Variants in CACNA2D3 observed in about 807,000 individuals in gnomAD.
CACNA2D3 encodes the protein voltage-dependent calcium channel subunit alpha-2/delta-3.
CACNA2D3 carries 60 observed loss-of-function variants against 160.6 expected under a neutral mutation model. That is an observed-to-expected ratio of 0.37 (90% CI 0.30 to 0.46). The LOEUF (loss-of-function observed/expected upper bound fraction) is 0.46, where lower values mean the gene tolerates loss of function less well. Among genes scored for constraint, CACNA2D3 ranks in the 20% least tolerant of loss-of-function variants. The probability of loss-of-function intolerance (pLI) is 1.00; values close to 1 mark genes in which losing one functional copy is unlikely to be tolerated. For missense variants in CACNA2D3, 1,205 were observed against 1,365.0 expected, an observed-to-expected ratio of 0.88 and a Z score of 1.85; for synonymous variants, 558 against 492.9, an observed-to-expected ratio of 1.13 and a Z score of -1.75.
chr3:54,942,458 G>A (rs1701496805), intron 27 of CACNA2D3, among the ~76,000 whole-genome samples: 2 of 152,206 alleles, frequency 1.3e-5, no homozygotes, highest in African/African-American at 4.8e-5. Flanking sequence ...CCTGAATCTT[G>A]AGGCTGGGAC....
At chr3:54,622,781 A>G (rs544233259) in intron 9 of CACNA2D3, among the ~76,000 whole-genome samples, 49 of 152,216 alleles carry the variant, frequency 3.2e-4, no homozygotes, top group Admixed American at 2.6e-3. Flanking sequence ...TCCAGACACT[A>G]CCCTTGGGGT....
intron 11 of CACNA2D3, among the ~76,000 whole-genome samples, chr3:54,704,816 C>T (rs1215557658): frequency 6.6e-6 from 1 of 152,080 alleles, no homozygotes; most frequent in Non-Finnish European, 1.5e-5. Flanking sequence ...GTGTGCATTG[C>T]AGTTTTCCAC....
intron 11 of CACNA2D3, among the ~76,000 whole-genome samples, chr3:54,679,405 A>G (rs1446115357): frequency 1.3e-5 from 2 of 152,196 alleles, no homozygotes; most frequent in African/African-American, 2.4e-5. Context: ...GGGAATAGGA[A>G]GAAGTTCAGG....
intron 14 of CACNA2D3, among the ~76,000 whole-genome samples, chr3:54,821,672 CTTTCTTTCTTTCTTTCTTTCT>C (rs1703600268): frequency 8.3e-6 from 1 of 120,302 alleles, no homozygotes; most frequent in South Asian, 2.9e-4. Flanking sequence ...TTCTTTCTTT[CTTTCTTTCTTTCTTTCTTTCT>C]TTCTTTCCTT....
chr3:54,359,848 G>A lies in CACNA2D3; in HGVS notation c.322-26867G>A, dbSNP rs1283148104. Among the ~76,000 whole-genome samples, 5 of 152,170 alleles carry A rather than the reference G, an allele frequency of 3.3e-5. 1 individual carries two copies. Among genetic ancestry groups the A allele is most frequent in the Admixed American group, 2.6e-4 (4 of 15,280 alleles). ...TGGACTAGTGAATTTCCCTGAAGTA[G>A]CTTTTGGGGCACTTCTCCACTTCAT... On this transcript the variant is annotated intron_variant, in intron 3 of 37. Transcript: ENST00000474759.
At chr3:54,588,988 A>T (rs1702811817) in intron 9 of CACNA2D3, among the ~76,000 whole-genome samples, 1 of 152,000 alleles carries the variant, frequency 6.6e-6, no homozygotes, top group African/African-American at 2.4e-5. Context: ...GTTTGATACA[A>T]TTCCTATAGA....
intron 10 of CACNA2D3, among the ~76,000 whole-genome samples, chr3:54,636,014 T>C (rs1026295822): frequency 5.3e-5 from 8 of 151,768 alleles, no homozygotes; most frequent in African/African-American, 1.9e-4. Context: ...CAGTCCTGGG[T>C]GGGGGCAAAT....
At chr3:54,530,282 G>A (rs545544119) in intron 5 of CACNA2D3, among the ~76,000 whole-genome samples, 35 of 152,242 alleles carry the variant, frequency 2.3e-4, no homozygotes, top group African/African-American at 7.2e-4. Flanking sequence ...TGCGCTGCTG[G>A]TGGAGCTCTC....
At chr3:54,244,494 G>C (rs1702033651) in intron 2 of CACNA2D3, among the ~76,000 whole-genome samples, 1 of 152,204 alleles carries the variant, frequency 6.6e-6, no homozygotes, top group African/African-American at 2.4e-5. Context: ...ACTGGCTGAG[G>C]AGTTCCCTGT....
At chr3:54,187,941 G>A (rs983056601) in intron 2 of CACNA2D3, among the ~76,000 whole-genome samples, 7 of 152,210 alleles carry the variant, frequency 4.6e-5, no homozygotes, top group African/African-American at 1.7e-4. Flanking sequence ...TCCGGGGGTT[G>A]GGTGTTTAAG....
chr3:54,678,103 CT>C (rs1224340384), intron 11 of CACNA2D3, among the ~76,000 whole-genome samples: 1 of 152,094 alleles, frequency 6.6e-6, no homozygotes, highest in Non-Finnish European at 1.5e-5. Flanking sequence ...TCTAAGGGGT[CT>C]GGAAAAAGTT....
At chr3:54,283,380 G>C (rs1702928026) in intron 2 of CACNA2D3, among the ~76,000 whole-genome samples, 1 of 152,172 alleles carries the variant, frequency 6.6e-6, no homozygotes, top group African/African-American at 2.4e-5. Context: ...CTGATGCTGT[G>C]AAATGTTTTT....
chr3:54,232,009 G>A (rs761237314), intron 2 of CACNA2D3, among the ~76,000 whole-genome samples: 6 of 152,344 alleles, frequency 3.9e-5, no homozygotes, highest in African/African-American at 9.6e-5. Context: ...CCATTGTCTC[G>A]TTATTTAAGC....
chr3:54,591,671 AGAT>A lies in CACNA2D3; in HGVS notation c.963+9795_963+9797del, dbSNP rs1702863395. ...TAATATAATCAGGGCCATCAGAATGAGATTGTGGGTGAAATTATCTGAGTCCAG... is the reference window on the plus strand; with the variant it reads ...TAATATAATCAGGGCCATCAGAATGATGTGGGTGAAATTATCTGAGTCCAG... On this transcript the variant is annotated intron_variant, in intron 9 of 37. Coordinates refer to ENST00000474759, the MANE Select transcript of CACNA2D3 (RefSeq NM_018398.3). 2.0e-5 allele frequency among the ~76,000 whole-genome samples: 3 copies of A among 150,646 alleles called. No individual in the cohort carries two copies. The South Asian group carries it at 6.3e-4, about 32-fold the overall frequency.
At chr3:54,717,291 T>C (rs542210128) in intron 11 of CACNA2D3, among the ~76,000 whole-genome samples, 106 of 152,356 alleles carry the variant, frequency 7.0e-4, no homozygotes, top group African/African-American at 2.3e-3. Flanking sequence ...TGAAAATTCT[T>C]CCACATCTTC....
At chr3:54,904,907 A>T (rs1700419337) in intron 27 of CACNA2D3, among the ~76,000 whole-genome samples, 1 of 152,166 alleles carries the variant, frequency 6.6e-6, no homozygotes, top group Non-Finnish European at 1.5e-5. Context: ...AGGAATAGAA[A>T]ATTGTTTTGT....
intron 27 of CACNA2D3, among the ~76,000 whole-genome samples, chr3:54,935,772 T>A (rs1701312944): frequency 6.6e-6 from 1 of 152,222 alleles, no homozygotes; most frequent in African/African-American, 2.4e-5. Flanking sequence ...TGTATGTATA[T>A]CATGAAGCAA....
intron 11 of CACNA2D3, among the ~76,000 whole-genome samples, chr3:54,719,445 A>G (rs1033062521): frequency 1.3e-5 from 2 of 151,812 alleles, no homozygotes; most frequent in African/African-American, 2.4e-5. Context: ...TTTTAATGTC[A>G]TGGATTACAT....
chr3:54,779,245 T>G (rs1478002207), intron 13 of CACNA2D3, among the ~76,000 whole-genome samples: 1 of 152,024 alleles, frequency 6.6e-6, no homozygotes, highest in African/African-American at 2.4e-5. Flanking sequence ...CTACAAGGTG[T>G]GTGCCACTAC....
Sources: gnomAD v4.1 joint callset for allele counts (sites outside exome capture counted in the v4.1 genomes callset) on GRCh38, gnomAD v4.1.1 for gene constraint, MANE v1.5 for transcripts, NCBI Gene and HGNC (gene_info 2026-07-23, HGNC 2026-07-21) for gene names.